The following WDR25 variants were observed in gnomAD, a reference collection of about 807,000 sequenced individuals.
WDR25 encodes the protein WD repeat domain 25.
Under a neutral mutation model 47.7 loss-of-function variants are expected in WDR25, and 35 were observed. The ratio of observed to expected loss-of-function variants is 0.73; its 90% CI spans 0.56 to 0.97. The LOEUF is 0.97. Among genes scored for constraint, WDR25 ranks in the 50% least tolerant of loss-of-function variants. The probability of loss-of-function intolerance (pLI) is 0.00; values close to 1 mark genes in which losing one functional copy is unlikely to be tolerated. For synonymous variants in WDR25, 248 were observed against 278.9 expected (o/e 0.89, Z 1.10); for missense variants, 634 against 704.7 (o/e 0.90, Z 1.14).
chr14:100,514,389 T>G (rs1382478688), intron 4 of WDR25, among the ~76,000 whole-genome samples: 1 of 152,186 alleles, frequency 6.6e-6, no homozygotes, highest in Admixed American at 6.5e-5. Flanking sequence ...TTATGATTAT[T>G]GATATGGTTG....
rs1352359739 is a variant in WDR25, at chr14:100,404,254, G to T, written c.822+22508G>T. Among the ~76,000 whole-genome samples the T allele has an allele frequency of 1.3e-5, 2 of 152,256 alleles. No individual in the cohort carries two copies. Among genetic ancestry groups the T allele is most frequent in the East Asian group, 3.9e-4 (2 of 5,188 alleles). On this transcript the variant is annotated intron_variant, in intron 2 of 6. Transcript: ENST00000402312. This position sits in a 1 kb window ranked among gnomAD's most constrained non-coding sequence, Gnocchi z 4.6. ...GGGCCTCAGGGCACGGTGCTGCAAG[G>T]TGCGGAGCTGGGAATGGAGTCCAGG...
chr14:100,522,768 C>T (rs932365618), intron 4 of WDR25, among the ~76,000 whole-genome samples: 5 of 152,250 alleles, frequency 3.3e-5, no homozygotes, highest in East Asian at 1.9e-4. Context: ...TAGGCTGCCA[C>T]GCTCAGGTCC....
At chr14:100,427,693 A>G (rs1433922757) in intron 2 of WDR25, among the ~76,000 whole-genome samples, 1 of 152,254 alleles carries the variant, frequency 6.6e-6, no homozygotes, top group Non-Finnish European at 1.5e-5. Flanking sequence ...TGAAGGAAAT[A>G]GAGCTTGTTT....
chr14:100,431,682 G>C (rs896199417), intron 2 of WDR25, among the ~76,000 whole-genome samples: 8 of 151,800 alleles, frequency 5.3e-5, no homozygotes, highest in Non-Finnish European at 1.2e-4. Flanking sequence ...AAGTAGCTGG[G>C]ATTACAGGTG....
intron 2 of WDR25, among the ~76,000 whole-genome samples, chr14:100,427,856 CT>C (rs2140225345): frequency 6.6e-6 from 1 of 152,316 alleles, no homozygotes; most frequent in Non-Finnish European, 1.5e-5. Flanking sequence ...GGCCTCCTGG[CT>C]CTCAGTGGCT....
intron 2 of WDR25, among the ~76,000 whole-genome samples, chr14:100,408,038 A>T (rs1897594481): frequency 6.6e-6 from 1 of 151,974 alleles, no homozygotes; most frequent in African/African-American, 2.4e-5. Flanking sequence ...GGGGGTTGGG[A>T]TGGAGAGTGT....
intron 2 of WDR25, among the ~76,000 whole-genome samples, chr14:100,413,740 G>A (rs371437702): frequency 1.3e-5 from 2 of 152,034 alleles, no homozygotes; most frequent in Admixed American, 6.6e-5. Context: ...GGCAAAAACC[G>A]CAATTACTTT....
At chr14:100,489,031 C>T (rs1404897323) in intron 4 of WDR25, among the ~76,000 whole-genome samples, 3 of 152,234 alleles carry the variant, frequency 2.0e-5, no homozygotes, top group South Asian at 4.1e-4. Context: ...CCCACAACCT[C>T]AGGGGCAGTG....
intron 4 of WDR25, among the ~76,000 whole-genome samples, chr14:100,517,184 C>T (rs1276808743): frequency 2.2e-5 from 3 of 137,764 alleles, no homozygotes; most frequent in African/African-American, 8.3e-5. Flanking sequence ...GGCACAATCT[C>T]GGCTCACTGC....
At chr14:100,383,766 C>G (rs939153354) in intron 2 of WDR25, among the ~76,000 whole-genome samples, 1 of 152,254 alleles carries the variant, frequency 6.6e-6, no homozygotes. Context: ...ACAAATGTGC[C>G]AGGCACGGTG....
In WDR25 at chr14:100,462,392, TC is replaced by T. The variant is rs2140286268; in HGVS notation, c.823-5628del. 2.0e-5 allele frequency among the ~76,000 whole-genome samples: 3 copies of T among 152,332 alleles called. 1 individual carries two copies. Among genetic ancestry groups the T allele is most frequent in the African/African-American group, 7.2e-5 (3 of 41,576 alleles). On this transcript the variant is annotated intron_variant, in intron 2 of 6. Coordinates refer to ENST00000402312, the MANE Select transcript of WDR25 (RefSeq NM_001161476.3). ...TACTTAATTGAAAAAAGCACGCACTTCAGTCTGCTGCAATGTTGGGGAATTA... is the reference window on the plus strand; with the variant it reads ...TACTTAATTGAAAAAAGCACGCACTTAGTCTGCTGCAATGTTGGGGAATTA...
chr14:100,388,127 T>C (rs569008672), intron 2 of WDR25, among the ~76,000 whole-genome samples: 33 of 151,904 alleles, frequency 2.2e-4, no homozygotes, highest in African/African-American at 8.0e-4. Flanking sequence ...ATGTGTGGAG[T>C]GAGGAGTTGT....
At chr14:100,509,098 A>G (rs1595158546) in intron 4 of WDR25, among the ~76,000 whole-genome samples, 1 of 152,248 alleles carries the variant, frequency 6.6e-6, no homozygotes, top group Middle Eastern at 3.4e-3. Context: ...AGAAAAGTGA[A>G]CTGAGAAATG....
At chr14:100,390,148 G>A (rs1897108199) in intron 2 of WDR25, among the ~76,000 whole-genome samples, 1 of 152,074 alleles carries the variant, frequency 6.6e-6, no homozygotes, top group African/African-American at 2.4e-5. Flanking sequence ...CATTCCAAGA[G>A]CTGTTTCTTA....
intron 2 of WDR25, among the ~76,000 whole-genome samples, chr14:100,390,345 A>C (rs1216705437): frequency 1.3e-5 from 2 of 150,648 alleles, no homozygotes; most frequent in Non-Finnish European, 2.9e-5. Flanking sequence ...CCTGCTGCTC[A>C]TTCCAATTAG....
chr14:100,525,662 G>T lies in WDR25; in HGVS notation c.1102-208G>T, dbSNP rs935416002. Reference sequence around the variant, plus strand: ...ACCCATGTGGCAATAGAGCAGGGGGGCTGAGAAGCTGACAGACACTGGACT... The same window carrying T: ...ACCCATGTGGCAATAGAGCAGGGGGTCTGAGAAGCTGACAGACACTGGACT... On this transcript the variant is annotated intron_variant, in intron 4 of 6. Coordinates refer to ENST00000402312, the MANE Select transcript of WDR25 (RefSeq NM_001161476.3). The surrounding 1 kb of genome is among the most constrained non-coding windows in gnomAD (Gnocchi z 4.6). Among the ~76,000 whole-genome samples the T allele has an allele frequency of 1.3e-5, 2 of 152,166 alleles. No homozygotes were observed. Among genetic ancestry groups the T allele is most frequent in the African/African-American group, 4.8e-5 (2 of 41,426 alleles).
At chr14:100,390,815 T>A (rs1649633701) in intron 2 of WDR25, among the ~76,000 whole-genome samples, 1 of 152,230 alleles carries the variant, frequency 6.6e-6, no homozygotes, top group Admixed American at 6.5e-5. Flanking sequence ...TAAAAGTGGC[T>A]GCGTCTTCTC....
chr14:100,380,560 T>C (rs1009944741), intron 1 of WDR25, among the ~76,000 whole-genome samples: 4 of 151,806 alleles, frequency 2.6e-5, no homozygotes, highest in Non-Finnish European at 5.9e-5. Context: ...AGTGGCACAA[T>C]TTCTGCTCAC....
intron 2 of WDR25, among the ~76,000 whole-genome samples, chr14:100,427,466 A>G (rs1333612065): frequency 1.3e-5 from 2 of 152,064 alleles, no homozygotes; most frequent in Non-Finnish European, 2.9e-5. Context: ...ACTTTGAAAC[A>G]TTTGCAAAGT....
Sources: allele counts gnomAD v4.1 joint callset (sites outside exome capture counted in the v4.1 genomes callset), GRCh38; gene constraint gnomAD v4.1.1; non-coding constraint Gnocchi (gnomAD v3.1); transcripts MANE v1.5; gene names NCBI Gene and HGNC (gene_info 2026-07-23, HGNC 2026-07-21).